The following NUTF2 variants were observed in gnomAD, a reference collection of about 807,000 sequenced individuals.
NUTF2 encodes nuclear transport factor 2.
A neutral mutation model predicts 18.5 loss-of-function variants in NUTF2; 3 were observed. That is an observed-to-expected ratio of 0.16 (90% CI 0.07 to 0.42). NUTF2 has a LOEUF of 0.42. NUTF2 is among the 10% of genes least tolerant of loss of function. NUTF2 has a pLI of 0.99. For missense variants in NUTF2, 44 were observed against 160.7 expected (o/e 0.27, Z 3.93); for synonymous variants, 51 against 57.9 (o/e 0.88, Z 0.54).
intron 1 of NUTF2, among the ~76,000 whole-genome samples, chr16:67,848,466 C>T (rs765378331): frequency 2.6e-5 from 4 of 152,150 alleles, no homozygotes; most frequent in Non-Finnish European, 4.4e-5. Flanking sequence ...TTCTGTAATC[C>T]TAGCTACTCA....
chr16:67,856,297 A>G (rs553328160), intron 1 of NUTF2, among the ~76,000 whole-genome samples: 22 of 152,016 alleles, frequency 1.4e-4, no homozygotes, highest in African/African-American at 3.9e-4. Context: ...GGTTCAAGCA[A>G]TTCTCTGCCT....
intron 1 of NUTF2, among the ~76,000 whole-genome samples, chr16:67,851,848 T>C (rs1226612987): frequency 6.6e-6 from 1 of 151,816 alleles, no homozygotes; most frequent in Non-Finnish European, 1.5e-5. Context: ...AAACCCTGTC[T>C]CTACTAAAAA....
intron 1 of NUTF2, among the ~76,000 whole-genome samples, chr16:67,853,033 T>C (rs2057871762): frequency 2.0e-5 from 3 of 152,146 alleles, no homozygotes; most frequent in African/African-American, 7.2e-5. Flanking sequence ...AGCAGCCTTT[T>C]TATTTTATTT....
rs2058018239 is a variant in NUTF2, at chr16:67,872,146, CA to C, written c.*1234del. On this transcript the variant is annotated 3_prime_UTR_variant, in exon 5 of 5. Coordinates refer to ENST00000219169, the MANE Select transcript of NUTF2 (RefSeq NM_005796.3). ...CCAGTACAAATCTAGCCCCTTGTCC[CA>C]CAGACTTCTGGATGGTATAAACCTA... 1 of 152,218 alleles carries C rather than the reference CA, an allele frequency of 6.6e-6. No individual in the cohort carries two copies. The highest frequency in any genetic ancestry group is 2.1e-4 in the South Asian group (1 of 4,830). 9.4% of individuals were successfully genotyped at this position (152,218 alleles called of 1,614,324 possible).
intron 4 of NUTF2, chr16:67,870,288 A>G (rs890122096): frequency 1.3e-5 from 2 of 153,850 alleles, no homozygotes; most frequent in African/African-American, 2.4e-5. Context: ...TCCTATTTCA[A>G]CTAGGTCTCA....
intron 1 of NUTF2, among the ~76,000 whole-genome samples, chr16:67,860,072 TG>T (rs1276056485): frequency 6.6e-6 from 1 of 151,870 alleles, no homozygotes; most frequent in African/African-American, 2.4e-5. Context: ...CTCCGCCTCC[TG>T]GGTTCACGCC....
At chr16:67,847,722 C>G (rs1211770062) in intron 1 of NUTF2, 1 of 152,434 alleles carries the variant, frequency 6.6e-6, no homozygotes, top group Non-Finnish European at 1.5e-5. Context: ...CGGCTCCTGC[C>G]GGGTAGGCCC....
At chr16:67,853,962 T>C (rs1003189791) in intron 1 of NUTF2, among the ~76,000 whole-genome samples, 1 of 151,916 alleles carries the variant, frequency 6.6e-6, no homozygotes, top group Admixed American at 6.6e-5. Flanking sequence ...TGCATGGCCT[T>C]CTTTTTGAGA....
chr16:67,866,947 C>T (rs140479794), intron 2 of NUTF2, among the ~76,000 whole-genome samples: 4,486 of 151,570 alleles, frequency 0.03, 95 homozygotes, highest in Middle Eastern at 0.16. Context: ...ACCTGAGATC[C>T]TGGCACTTGT....
rs551699337 is a variant in NUTF2 at position 67,865,052 on chromosome 16, C to T, written c.-29-50C>T. 7.5e-5 allele frequency: 70 copies of T among 928,950 alleles called. No homozygotes were observed. The African/African-American group carries it at 1.0e-3, about 13-fold the overall frequency. The allele number at this position is 928,950 out of a possible 1,614,324, so 57.5% of individuals were successfully genotyped here. On this transcript the variant is annotated intron_variant, in intron 1 of 4. Coordinates refer to ENST00000219169, the MANE Select transcript of NUTF2 (RefSeq NM_005796.3). ...AGGGGTGGGGGTCAGTGGCTGGTCA[C>T]CTACTCTCATGGTACCAATGCTTCC...
At chr16:67,850,647 A>G (rs569046311) in intron 1 of NUTF2, among the ~76,000 whole-genome samples, 165 of 152,300 alleles carry the variant, frequency 1.1e-3, no homozygotes, top group South Asian at 1.9e-3. Flanking sequence ...TCCAGGATCT[A>G]TCTGCATCCT....
intron 1 of NUTF2, among the ~76,000 whole-genome samples, chr16:67,848,757 GAA>G (rs751592476): frequency 7.5e-6 from 1 of 132,944 alleles, no homozygotes; most frequent in African/African-American, 2.8e-5. Flanking sequence ...AAAAGAAAAA[GAA>G]AAAAAAAAAA....
chr16:67,849,996 T>TG, intron 1 of NUTF2, among the ~76,000 whole-genome samples: 1 of 152,064 alleles, frequency 6.6e-6, no homozygotes. Context: ...CTCCATATGT[T>TG]GCCCAGGCTG....
chr16:67,858,154 G>GA (rs2057910158), intron 1 of NUTF2, among the ~76,000 whole-genome samples: 1 of 152,164 alleles, frequency 6.6e-6, no homozygotes, highest in Admixed American at 6.5e-5. Flanking sequence ...TGGGTAATCA[G>GA]ACAGCTACTT....
chr16:67,862,879 CCTTT>C (rs1258168699), intron 1 of NUTF2, among the ~76,000 whole-genome samples: 1 of 152,120 alleles, frequency 6.6e-6, no homozygotes, highest in African/African-American at 2.4e-5. Context: ...GTTGGCATAC[CCTTT>C]CTGAGGACTG....
intron 1 of NUTF2, among the ~76,000 whole-genome samples, chr16:67,861,296 A>G (rs1366404313): frequency 6.6e-6 from 1 of 152,222 alleles, no homozygotes. Flanking sequence ...TCTGTGCCTC[A>G]TATGCATTAG....
At chr16:67,863,858 A>G (rs1363513871) in intron 1 of NUTF2, among the ~76,000 whole-genome samples, 3 of 152,334 alleles carry the variant, frequency 2.0e-5, no homozygotes, top group African/African-American at 4.8e-5. Context: ...GCAAAGCCCA[A>G]GCGGCTCTCC....
At chr16:67,858,813 A>G (rs1454261230) in intron 1 of NUTF2, among the ~76,000 whole-genome samples, 1 of 152,050 alleles carries the variant, frequency 6.6e-6, no homozygotes, top group Non-Finnish European at 1.5e-5. Flanking sequence ...GGGGACTTCC[A>G]GAAGGACTGA....
intron 1 of NUTF2, among the ~76,000 whole-genome samples, chr16:67,848,130 A>G (rs2057821618): frequency 6.6e-6 from 1 of 152,208 alleles, no homozygotes; most frequent in African/African-American, 2.4e-5. Flanking sequence ...GGGAAGAGTT[A>G]TCTTTGACCA....
Sources: gnomAD v4.1 joint callset for allele counts (sites outside exome capture counted in the v4.1 genomes callset) on GRCh38, gnomAD v4.1.1 for gene constraint, MANE v1.5 for transcripts, NCBI Gene and HGNC (gene_info 2026-07-23, HGNC 2026-07-21) for gene names.